Variants in STARD13 observed in about 807,000 individuals in gnomAD.
The protein encoded by STARD13 is StAR related lipid transfer domain containing 13, also known as stAR-related lipid transfer protein 13.
In STARD13, 62 loss-of-function variants were observed where a neutral mutation model predicts 106.4. The ratio of observed to expected loss-of-function variants is 0.58; its 90% CI spans 0.48 to 0.72. The LOEUF is 0.72. Ranked by LOEUF, STARD13 falls within the 30% of genes least tolerant of loss-of-function variation. The probability of loss-of-function intolerance (pLI) is 0.00; values close to 1 mark genes in which losing one functional copy is unlikely to be tolerated. For missense variants in STARD13, 1,387 were observed against 1,424.0 expected, an observed-to-expected ratio of 0.97 and a Z score of 0.42; for synonymous variants, 565 against 553.0, an observed-to-expected ratio of 1.02 and a Z score of -0.31.
the STARD13 span, among the ~76,000 whole-genome samples, chr13:33,437,370 C>T: frequency 7.9e-5 from 12 of 152,158 alleles, no homozygotes; most frequent in Admixed American, 3.3e-4. Context: ...TCAGGGAGCT[C>T]GGCTCTTGAG....
rs541972324 is a variant in STARD13 at position 33,188,446 on chromosome 13, C to T, written c.170-20824G>A. Among the ~76,000 whole-genome samples the T allele has an allele frequency of 2.3e-4, 35 of 152,180 alleles. No homozygotes were observed. In the South Asian group the frequency reaches 2.7e-3, roughly 12 times the overall value. On this transcript the variant is annotated intron_variant, in intron 1 of 13. Coordinates refer to ENST00000336934, the MANE Select transcript of STARD13 (RefSeq NM_178006.4). ...TTAAAATGGACACAGAGAGTTAATT[C>T]TGAGAAAAATTTCTGGTTATGATCT...
At chr13:33,306,844 G>T (rs6561835) in intron 1 of STARD13, among the ~76,000 whole-genome samples, 36,061 of 152,018 alleles carry the variant, frequency 0.24, 4,842 homozygotes, top group East Asian at 0.69. Flanking sequence ...CAGCTACTCG[G>T]GAGGCTGAGG....
At chr13:33,150,636 A>C (rs576386201) in intron 3 of STARD13, among the ~76,000 whole-genome samples, 1 of 152,352 alleles carries the variant, frequency 6.6e-6, no homozygotes, top group South Asian at 2.1e-4. Flanking sequence ...TGGGAAGAGA[A>C]AACCCATGGC....
the STARD13 span, among the ~76,000 whole-genome samples, chr13:33,367,967 G>T: frequency 6.6e-6 from 1 of 152,096 alleles, no homozygotes; most frequent in South Asian, 2.1e-4. Context: ...TGGAAAAAGT[G>T]TTCCAAAGGC....
At chr13:33,599,247 A>G in the STARD13 span, among the ~76,000 whole-genome samples, 1 of 151,958 alleles carries the variant, frequency 6.6e-6, no homozygotes, top group South Asian at 2.1e-4. Context: ...TGTTCCAGGA[A>G]CTCCCTTTGC....
chr13:33,277,339 C>T (rs190478819), intron 1 of STARD13: 1 of 152,170 alleles, frequency 6.6e-6, no homozygotes, highest in Admixed American at 6.5e-5. Context: ...TGTAGACTTC[C>T]TGGAAATTGA....
intron 4 of STARD13, among the ~76,000 whole-genome samples, chr13:33,133,407 G>T (rs896423151): frequency 6.7e-6 from 1 of 148,430 alleles, no homozygotes; most frequent in Admixed American, 6.7e-5. Flanking sequence ...TATTTAGGTT[G>T]TTTGAACCAA....
chr13:33,465,949 G>A, the STARD13 span, among the ~76,000 whole-genome samples: 2 of 152,074 alleles, frequency 1.3e-5, no homozygotes, highest in Admixed American at 6.6e-5. Context: ...ATAATATGAT[G>A]TGATGGGACT....
chr13:33,230,897 G>T (rs985971643), intron 1 of STARD13, among the ~76,000 whole-genome samples: 1 of 152,200 alleles, frequency 6.6e-6, no homozygotes, highest in East Asian at 1.9e-4. Flanking sequence ...AGAAACACTT[G>T]GGAAAGAACT....
the STARD13 span, among the ~76,000 whole-genome samples, chr13:33,486,667 A>G: frequency 2.0e-5 from 3 of 151,938 alleles, no homozygotes; most frequent in Non-Finnish European, 2.9e-5. Flanking sequence ...CATGTCCTCC[A>G]CTATTCTGTT....
At chr13:33,243,103 G>T (rs756798036) in intron 1 of STARD13, among the ~76,000 whole-genome samples, 5 of 152,202 alleles carry the variant, frequency 3.3e-5, no homozygotes, top group Non-Finnish European at 5.9e-5. Flanking sequence ...GCCAAGGAAG[G>T]CCCCCTCATT....
At chr13:33,617,562 G>A in the STARD13 span, among the ~76,000 whole-genome samples, 1 of 152,044 alleles carries the variant, frequency 6.6e-6, no homozygotes, top group Non-Finnish European at 1.5e-5. Context: ...AAATAATTAG[G>A]TTCAGCTCAC....
At chr13:33,596,293 A>G in the STARD13 span, among the ~76,000 whole-genome samples, 2 of 152,218 alleles carry the variant, frequency 1.3e-5, no homozygotes, top group African/African-American at 4.8e-5. Flanking sequence ...TTATATTTTT[A>G]TCCTTATAAA....
chr13:33,431,215 A>G, the STARD13 span, among the ~76,000 whole-genome samples: 1 of 152,186 alleles, frequency 6.6e-6, no homozygotes, highest in Non-Finnish European at 1.5e-5. Flanking sequence ...TTGCGCATAG[A>G]TAAAACATCG....
chr13:33,369,273 C>T, the STARD13 span, among the ~76,000 whole-genome samples: 4 of 151,990 alleles, frequency 2.6e-5, no homozygotes, highest in African/African-American at 7.3e-5. Context: ...TCTGTTGTTT[C>T]GTTTTTCTGC....
intron 1 of STARD13, among the ~76,000 whole-genome samples, chr13:33,297,285 G>A (rs779419436): frequency 1.3e-5 from 2 of 152,154 alleles, no homozygotes; most frequent in African/African-American, 2.4e-5. Flanking sequence ...TAGTGGCTCC[G>A]CCAAAATGAC....
intron 3 of STARD13, chr13:33,164,545 G>A (rs1003741256): frequency 6.6e-6 from 1 of 152,094 alleles, no homozygotes; most frequent in Non-Finnish European, 1.5e-5. Flanking sequence ...CTTCAGCTCT[G>A]ACCTCTCTTC....
chr13:33,241,956 C>T (rs918106158), intron 1 of STARD13, among the ~76,000 whole-genome samples: 17 of 152,328 alleles, frequency 1.1e-4, no homozygotes, highest in East Asian at 1.9e-4. Context: ...TCTGTCCGGC[C>T]GCCACCCCGT....
chr13:33,622,613 T>TCAAAA, the STARD13 span, among the ~76,000 whole-genome samples: 1 of 11,238 alleles, frequency 8.9e-5, no homozygotes, highest in Non-Finnish European at 1.9e-4. Context: ...AGACTCCGTC[T>TCAAAA]CAAAAAAAAA....
Sources: allele counts gnomAD v4.1 joint callset (sites outside exome capture counted in the v4.1 genomes callset), GRCh38; gene constraint gnomAD v4.1.1; transcripts MANE v1.5; gene names NCBI Gene and HGNC (gene_info 2026-07-23, HGNC 2026-07-21).